Variants in PDK3 observed in about 807,000 individuals in gnomAD.
The protein encoded by PDK3 is pyruvate dehydrogenase kinase, isozyme 3.
Under a neutral mutation model 32.0 loss-of-function variants are expected in PDK3, and 12 were observed. That is an observed-to-expected ratio of 0.37 (90% CI 0.24 to 0.61). The LOEUF (loss-of-function observed/expected upper bound fraction) is 0.61. PDK3 is among the 20% of genes least tolerant of loss of function. PDK3 has a pLI of 0.65. For synonymous variants in PDK3, 122 were observed against 116.3 expected, an observed-to-expected ratio of 1.05 and a Z score of -0.31; for missense variants, 188 against 316.9, an observed-to-expected ratio of 0.59 and a Z score of 3.09.
intron 1 of PDK3, among the ~76,000 whole-genome samples, chrX:24,494,040 G>A (rs1402033116): frequency 8.9e-6 from 1 of 112,349 alleles, no homozygotes; most frequent in Admixed American, 9.4e-5. Context: ...TGCACAGCTA[G>A]CTCAGGGAAG....
intron 1 of PDK3, among the ~76,000 whole-genome samples, chrX:24,471,178 A>G (rs1039083966): frequency 1.8e-5 from 2 of 111,738 alleles, no homozygotes; most frequent in East Asian, 2.8e-4. Flanking sequence ...CGTTCTGCAC[A>G]TGTACCCCAG....
exon 12 of PDK3, among the ~76,000 whole-genome samples, chrX:24,545,319 T>G (rs1291704254): frequency 8.9e-6 from 1 of 112,145 alleles, no homozygotes; most frequent in African/African-American, 3.2e-5. Context: ...TGTTAAGTCT[T>G]CATCAGGATT....
chrX:24,485,521 C>T (rs1482505657), intron 1 of PDK3, among the ~76,000 whole-genome samples: 3 of 110,702 alleles, frequency 2.7e-5, no homozygotes, highest in African/African-American at 6.6e-5. Flanking sequence ...ACCTCAGCAA[C>T]GCAGCAGACC....
At chrX:24,480,162 T>C (rs1413042420) in intron 1 of PDK3, among the ~76,000 whole-genome samples, 1 of 111,898 alleles carries the variant, frequency 8.9e-6, no homozygotes, top group East Asian at 2.8e-4. Flanking sequence ...CGAGTTTGTT[T>C]AGTTTTTATC....
Position 24,528,346 on chromosome X carries a change from G to T in PDK3, c.963+160G>T, listed in dbSNP as rs5986581. The stretch of plus-strand genomic sequence containing the variant: ...GGAGAATTTTTTGCCTTGGCTACTT[G>T]CTTTGTGAATCCTTTGGACTTCAAT... On this transcript the variant is annotated intron_variant, in intron 9 of 10. Transcript: ENST00000379162. Among the ~76,000 whole-genome samples the T allele has an allele frequency of 0.046, 5,161 of 112,395 alleles. 151 individuals carry two copies. The highest frequency in any genetic ancestry group is 0.29 in the South Asian group (790 of 2,693).
chrX:24,509,045 A>G (rs991277802), intron 5 of PDK3, among the ~76,000 whole-genome samples: 2 of 111,811 alleles, frequency 1.8e-5, no homozygotes. Flanking sequence ...TAGGGTGTCA[A>G]TTTCTAAAGG....
At chrX:24,512,992 C>T (rs1227041013) in intron 5 of PDK3, among the ~76,000 whole-genome samples, 1 of 111,578 alleles carries the variant, frequency 9.0e-6, no homozygotes, top group Non-Finnish European at 1.9e-5. Context: ...GCCTGATCAC[C>T]CCAACTGTCT....
chrX:24,497,990 G>C (rs1921758762), intron 2 of PDK3, among the ~76,000 whole-genome samples: 1 of 111,271 alleles, frequency 9.0e-6, no homozygotes, highest in Admixed American at 9.5e-5. Context: ...TTCTTATACT[G>C]GCCCTGATTG....
In PDK3 at chrX:24,527,785, G is replaced by A. The variant is rs778313428; in HGVS notation, c.852+110G>A. 22 of 515,891 alleles carry A rather than the reference G, an allele frequency of 4.3e-5. No individual in the cohort carries two copies. In the South Asian group the frequency reaches 6.9e-4, roughly 16 times the overall value. The allele number at this position is 515,891 out of a possible 1,213,427, so 42.5% of individuals were successfully genotyped here. A position where few individuals can be genotyped will look rare whatever the true frequency, so the allele number is the denominator to read the frequency against. On this transcript the variant is annotated intron_variant, in intron 8 of 10. Coordinates refer to ENST00000379162, the MANE Select transcript of PDK3 (RefSeq NM_005391.5). ...TTGACATTTATTGAGTGTCCTGTTT[G>A]TAAGTTCTATGCTAGATCCTTGGCT...
rs1376557133 is a variant in PDK3, at chrX:24,499,474, A to G, written c.320+574A>G. Reference sequence around the variant, plus strand: ...GTGAGTATGTTTTCCCCTCCAAGAGAAATTAAATATCCCTTTCACATTAAT... The same window carrying G: ...GTGAGTATGTTTTCCCCTCCAAGAGGAATTAAATATCCCTTTCACATTAAT... On this transcript the variant is annotated intron_variant, in intron 3 of 10. Transcript: ENST00000379162. Among the ~76,000 whole-genome samples the G allele has an allele frequency of 2.7e-5, 3 of 111,711 alleles. No homozygotes were observed. The Admixed American group carries it at 2.9e-4, about 11-fold the overall frequency.
chrX:24,492,533 A>C (rs1243847753), intron 1 of PDK3, among the ~76,000 whole-genome samples: 1 of 110,854 alleles, frequency 9.0e-6, no homozygotes, highest in African/African-American at 3.3e-5. Flanking sequence ...AGGTTGCAGT[A>C]AGCGGAGATC....
intron 6 of PDK3, among the ~76,000 whole-genome samples, chrX:24,522,793 C>G (rs1922430276): frequency 9.1e-6 from 1 of 109,592 alleles, no homozygotes; most frequent in African/African-American, 3.3e-5. Context: ...TTAGTCCCAG[C>G]TACTAGGGAG....
rs563743221 is a variant in PDK3 at position 24,540,269 on chromosome X, G to A, written c.*1105G>A. ...AGGAATAGAAGTGACCGAAGAATCC[G>A]GATTGAAACCAGCATCCTATATACA... On this transcript the variant is annotated 3_prime_UTR_variant, in exon 12 of 12. Transcript: ENST00000568479. 3.6e-5 allele frequency among the ~76,000 whole-genome samples: 4 copies of A among 111,835 alleles called. No individual in the cohort carries two copies. The South Asian group carries it at 1.5e-3, about 42-fold the overall frequency.
chrX:24,527,971 C>A, intron 8 of PDK3, 105 bp from the exon 9 acceptor site: 1 of 500,439 alleles, frequency 2.0e-6, no homozygotes, highest in Non-Finnish European at 3.5e-6. Flanking sequence ...AGTCCTTGTA[C>A]ATTGTGGAGT....
Sources: allele counts gnomAD v4.1 joint callset (sites outside exome capture counted in the v4.1 genomes callset), GRCh38; gene constraint gnomAD v4.1.1; transcripts MANE v1.5; gene names NCBI Gene and HGNC (gene_info 2026-07-23, HGNC 2026-07-21).